Variants in SERPINE3 observed in about 807,000 individuals in gnomAD.
The protein encoded by SERPINE3 is serpin family E member 3.
Under a neutral mutation model 41.7 loss-of-function variants are expected in SERPINE3, and 43 were observed. The ratio of observed to expected loss-of-function variants is 1.03; its 90% CI spans 0.81 to 1.33. SERPINE3 has a LOEUF of 1.33. Among genes scored for constraint, SERPINE3 ranks in the 40% most tolerant of loss-of-function variants. SERPINE3 has a pLI of 0.00. For missense variants in SERPINE3, 440 were observed against 491.7 expected (o/e 0.89, Z 0.99); for synonymous variants, 200 against 192.2 (o/e 1.04, Z -0.34).
At chr13:51,361,541 G>C (rs1955575106) in intron 8 of SERPINE3, 177 bp downstream of exon 8, 1 of 593,718 alleles carries the variant, frequency 1.7e-6, no homozygotes, top group East Asian at 2.8e-5. Context: ...TGACGGGGAA[G>C]AAGAGATATC....
chr13:51,341,091 C>T lies in SERPINE3; in HGVS notation c.-1C>T. 6.2e-7 allele frequency: 1 copy of T among 1,613,564 alleles called. No individual in the cohort carries two copies. The highest frequency in any genetic ancestry group is 8.5e-7 in the Non-Finnish European group (1 of 1,179,590). ...GAATTGCAGGAACCCTCCCAGCCTCCATGCCGCCTTTCCTGATCACCCTCT... is the reference window on the plus strand; with the variant it reads ...GAATTGCAGGAACCCTCCCAGCCTCTATGCCGCCTTTCCTGATCACCCTCT... On this transcript the variant is annotated 5_prime_UTR_variant, in exon 3 of 10. Coordinates refer to ENST00000681248, the MANE Select transcript of SERPINE3 (RefSeq NM_001386375.1).
In SERPINE3 at chr13:51,344,266, G is replaced by A; in HGVS notation, c.271G>A (p.Asp91Asn). The A allele has an allele frequency of 6.2e-7, 1 of 1,613,846 alleles. No individual in the cohort carries two copies. The highest frequency in any genetic ancestry group is 1.1e-5 in the South Asian group (1 of 91,058). ...GTTTTTCACAGACAAAAGGGTGAAA[G>A]ATTTCTTGCATGCTGTTTATGCCAC... is the stretch of plus-strand genomic sequence containing the variant. The part of the protein sequence containing the change: ...GYTVHDKRVK[D>N]FLHAVYATLP... Residue 91 changes from aspartate to asparagine, a missense_variant, in exon 4 of 10, where the codon GAT (aspartate) becomes AAT (asparagine). Transcript: ENST00000681248.
intron 4 of SERPINE3, among the ~76,000 whole-genome samples, chr13:51,346,573 T>C (rs1955347904): frequency 6.6e-6 from 1 of 152,206 alleles, no homozygotes; most frequent in African/African-American, 2.4e-5. Context: ...GATGACTCAC[T>C]GCCCCCACCT....
chr13:51,341,437 A>T (rs1162607584), intron 3 of SERPINE3, 90 bp downstream of exon 3: 1 of 1,235,764 alleles, frequency 8.1e-7, no homozygotes, highest in Admixed American at 2.1e-5. Context: ...ACTCACACTC[A>T]CTCTCTCCAG....
chr13:51,344,875 C>CA (rs200479359), intron 4 of SERPINE3, among the ~76,000 whole-genome samples: 3,527 of 151,740 alleles, frequency 0.023, 59 homozygotes, highest in South Asian at 0.057. Flanking sequence ...CAACAGGAGC[C>CA]AAAAAAAGTG....
chr13:51,363,036 G>C (rs1955613007), intron 9 of SERPINE3: 1 of 151,864 alleles, frequency 6.6e-6, no homozygotes, highest in African/African-American at 2.4e-5. Flanking sequence ...TCAAAAAAAT[G>C]AAAGATGAGA....
intron 9 of SERPINE3, chr13:51,363,149 AAGAG>A (rs1265470332): frequency 1.3e-5 from 2 of 151,940 alleles, no homozygotes; most frequent in African/African-American, 2.4e-5. Context: ...TGATAGGTAA[AAGAG>A]AGATTCTGAT....
Position 51,357,024 on chromosome 13 carries a change from A to C in SERPINE3, c.1000+1881A>C. ...CCTACCACCTGCTTTTGTGAAGTTT[A>C]ATTAAAACATAGCCACTCTCATTCA... On this transcript the variant is annotated intron_variant, in intron 7 of 9. Transcript: ENST00000681248. Among the ~76,000 whole-genome samples, 2 of 152,174 alleles carry C rather than the reference A, an allele frequency of 1.3e-5. 1 individual carries two copies. The highest frequency in any genetic ancestry group is 2.9e-5 in the Non-Finnish European group (2 of 68,030).
intron 9 of SERPINE3, chr13:51,363,371 A>G (rs1955620967): frequency 1.3e-5 from 2 of 151,874 alleles, no homozygotes; most frequent in Admixed American, 6.6e-5. Context: ...ACATCACACA[A>G]CACAGTGGCT....
At chr13:51,355,730 T>C (rs1449265788) in intron 7 of SERPINE3, among the ~76,000 whole-genome samples, 4 of 152,184 alleles carry the variant, frequency 2.6e-5, no homozygotes, top group Non-Finnish European at 5.9e-5. Context: ...TGTTTGCTTA[T>C]GGTATTATAG....
chr13:51,347,182 T>C lies in SERPINE3; in HGVS notation c.648T>C (p.Tyr216=), dbSNP rs1955355930. 6.2e-7 allele frequency: 1 copy of C among 1,614,016 alleles called. No homozygotes were observed. The highest frequency in any genetic ancestry group is 1.1e-5 in the South Asian group (1 of 91,072). The change falls in exon 5 of 10, where the codon TAT becomes TAC. Residue 216 remains tyrosine (Y), a synonymous_variant. Transcript: ENST00000681248. ...AGATCCTGCCTTTCACCTGTGCCTA[T>C]GGCCTCGTCCTTCAGGTCCCCATGA... The part of the protein sequence containing the change: ...DTQILPFTCA[Y]GLVLQVPMMH...
chr13:51,354,866 A>G (rs1282413290), intron 6 of SERPINE3, among the ~76,000 whole-genome samples, 177 bp from the exon 7 acceptor site: 1 of 152,218 alleles, frequency 6.6e-6, no homozygotes, highest in Non-Finnish European at 1.5e-5. Flanking sequence ...GAGGTGGGGA[A>G]GAGCCCTGTG....
chr13:51,348,876 G>A (rs913616863), intron 6 of SERPINE3, among the ~76,000 whole-genome samples: 4 of 55,810 alleles, frequency 7.2e-5, no homozygotes, highest in Non-Finnish European at 1.2e-4. Context: ...CTGATCAGAC[G>A]CCAAATTAAG....
chr13:51,347,970 C>A (rs1193090487), intron 5 of SERPINE3, among the ~76,000 whole-genome samples: 3 of 152,002 alleles, frequency 2.0e-5, no homozygotes, highest in African/African-American at 4.8e-5. Flanking sequence ...CCCCCCCATA[C>A]CCAGTCCTAG....
intron 3 of SERPINE3, among the ~76,000 whole-genome samples, chr13:51,341,905 T>A (rs1386176920): frequency 6.6e-6 from 1 of 152,214 alleles, no homozygotes; most frequent in African/African-American, 2.4e-5. Context: ...TAAGAGCCCA[T>A]GCTTTTGACC....
At chr13:51,347,313 T>A in intron 5 of SERPINE3, 79 bp downstream of exon 5, 3 of 1,228,028 alleles carry the variant, frequency 2.4e-6, no homozygotes, top group East Asian at 4.9e-5. Context: ...GCCAGGTCCC[T>A]GCTCCTAAGG....
At chr13:51,359,870 G>T (rs1955536790) in intron 7 of SERPINE3, among the ~76,000 whole-genome samples, 1 of 151,998 alleles carries the variant, frequency 6.6e-6, no homozygotes, top group South Asian at 2.1e-4. Context: ...AGTGAAATTT[G>T]TTTCTTAAAG....
At chr13:51,361,506 A>G (rs1955574258) in intron 8 of SERPINE3, 142 bp downstream of exon 8, 2 of 638,342 alleles carry the variant, frequency 3.1e-6, no homozygotes, top group Non-Finnish European at 5.4e-6. Flanking sequence ...AGGAACACTA[A>G]AGAAAACAAA....
In SERPINE3 at chr13:51,361,898, T is replaced by C. The variant is rs1232790790; in HGVS notation, c.1171+5T>C. On this transcript the variant is annotated splice_donor_5th_base_variant and intron_variant, in intron 9 of 9. Coordinates refer to ENST00000681248, the MANE Select transcript of SERPINE3 (RefSeq NM_001386375.1). Reference sequence around the variant, plus strand: ...TCCTGAGAGAACCTAACACAGGTATTACAGTATTTTTTGACAGGATTCAGA... The same window carrying C: ...TCCTGAGAGAACCTAACACAGGTATCACAGTATTTTTTGACAGGATTCAGA... The C allele has an allele frequency of 6.2e-7, 1 of 1,611,670 alleles. No homozygotes were observed. Among genetic ancestry groups the C allele is most frequent in the Non-Finnish European group, 8.5e-7 (1 of 1,178,500 alleles).
Sources: gnomAD v4.1 joint callset for allele counts (sites outside exome capture counted in the v4.1 genomes callset) on GRCh38, gnomAD v4.1.1 for gene constraint, MANE v1.5 for transcripts, NCBI Gene and HGNC (gene_info 2026-07-23, HGNC 2026-07-21) for gene names.